The following PPP2R2B variants were observed in gnomAD, a reference collection of about 807,000 sequenced individuals.
PPP2R2B encodes the protein protein phosphatase 2 regulatory subunit Bbeta, also known as serine/threonine-protein phosphatase 2A 55 kDa regulatory subunit B beta isoform.
A neutral mutation model predicts 46.0 loss-of-function variants in PPP2R2B; 5 were observed. The ratio of observed to expected loss-of-function variants is 0.11; its 90% CI spans 0.06 to 0.23. The LOEUF is 0.23. PPP2R2B is among the 10% of genes least tolerant of loss of function. The pLI is 1.00. For synonymous variants in PPP2R2B, 215 were observed against 206.7 expected (o/e 1.04, Z -0.34); for missense variants, 367 against 575.0 (o/e 0.64, Z 3.70).
At chr5:147,047,500 T>C (rs1448646128) in intron 1 of PPP2R2B, among the ~76,000 whole-genome samples, 2 of 152,170 alleles carry the variant, frequency 1.3e-5, no homozygotes, top group African/African-American at 4.8e-5. Flanking sequence ...TTCTGAGGCC[T>C]CTACTAATAT....
chr5:147,028,366 C>T (rs753343000), intron 1 of PPP2R2B, among the ~76,000 whole-genome samples: 8 of 152,018 alleles, frequency 5.3e-5, no homozygotes, highest in Non-Finnish European at 1.2e-4. Flanking sequence ...ATTTTTTTCA[C>T]CCATTTTACC....
At chr5:147,046,585 CA>C (rs1214874478) in intron 1 of PPP2R2B, among the ~76,000 whole-genome samples, 2 of 151,986 alleles carry the variant, frequency 1.3e-5, no homozygotes, top group African/African-American at 4.8e-5. Context: ...GAACCAAAGA[CA>C]AAAAATAGAT....
At chr5:147,061,971 G>A (rs551441353) in intron 2 of PPP2R2B, among the ~76,000 whole-genome samples, 1 of 151,946 alleles carries the variant, frequency 6.6e-6, no homozygotes, top group Non-Finnish European at 1.5e-5. Flanking sequence ...TTGTTTGTTT[G>A]TTTTTTGGTT....
At chr5:146,887,346 AAG>A (rs1762361306) in intron 1 of PPP2R2B, among the ~76,000 whole-genome samples, 2 of 152,228 alleles carry the variant, frequency 1.3e-5, no homozygotes, top group East Asian at 3.9e-4. Flanking sequence ...CATTTGCAAA[AAG>A]AGTTTTAATG....
chr5:146,962,630 C>A (rs1156493787), intron 1 of PPP2R2B, among the ~76,000 whole-genome samples: 1 of 151,910 alleles, frequency 6.6e-6, no homozygotes, highest in African/African-American at 2.4e-5. Flanking sequence ...GCACTCCAGA[C>A]TGGGCAAAAA....
intron 1 of PPP2R2B, among the ~76,000 whole-genome samples, chr5:146,920,173 G>A (rs1763546050): frequency 6.6e-6 from 1 of 152,156 alleles, no homozygotes; most frequent in African/African-American, 2.4e-5. Context: ...TTTCTGAAAA[G>A]GTGGCTGGGC....
intron 1 of PPP2R2B, among the ~76,000 whole-genome samples, chr5:147,027,657 T>C (rs1755595031): frequency 6.6e-6 from 1 of 150,518 alleles, no homozygotes; most frequent in Non-Finnish European, 1.5e-5. Flanking sequence ...AAAAATTTAG[T>C]GTGGATGGCT....
intron 1 of PPP2R2B, among the ~76,000 whole-genome samples, chr5:146,991,530 A>C (rs1231328920): frequency 6.6e-6 from 1 of 152,186 alleles, no homozygotes; most frequent in African/African-American, 2.4e-5. Flanking sequence ...TGACTTTAGC[A>C]AATAACAATG....
chr5:147,046,996 A>C (rs528249704), intron 1 of PPP2R2B, among the ~76,000 whole-genome samples: 104 of 152,104 alleles, frequency 6.8e-4, no homozygotes, highest in Non-Finnish European at 1.1e-3. Flanking sequence ...TCTGACACCA[A>C]CACCACCAAG....
chr5:146,787,938 A>G (rs969341329), intron 2 of PPP2R2B, among the ~76,000 whole-genome samples: 1 of 152,134 alleles, frequency 6.6e-6, no homozygotes, highest in Non-Finnish European at 1.5e-5. Context: ...GAAACACTGC[A>G]TCTTTGGCTT....
At chr5:146,773,419 G>A (rs1312968444) in intron 2 of PPP2R2B, among the ~76,000 whole-genome samples, 2 of 152,106 alleles carry the variant, frequency 1.3e-5, no homozygotes, top group African/African-American at 4.8e-5. Flanking sequence ...TTCAGACTGT[G>A]GTTTATTATG....
At chr5:146,940,511 G>GA (rs5871997) in intron 1 of PPP2R2B, among the ~76,000 whole-genome samples, 34,636 of 142,944 alleles carry the variant, frequency 0.24, 4,290 homozygotes, top group East Asian at 0.42. Context: ...TTTGCTAGGG[G>GA]AAAAAAAAAA....
intron 7 of PPP2R2B, among the ~76,000 whole-genome samples, chr5:146,637,298 G>A (rs113501900): frequency 4.1e-4 from 63 of 152,274 alleles, no homozygotes; most frequent in African/African-American, 1.4e-3. Context: ...CACCAAGAGG[G>A]TATTTCACAG....
In PPP2R2B at chr5:146,638,429, G is replaced by A. The variant is rs1018564693; in HGVS notation, c.626-14C>T. 6.4e-7 allele frequency: 1 copy of A among 1,572,830 alleles called. No individual in the cohort carries two copies. The highest frequency in any genetic ancestry group is 8.7e-7 in the Non-Finnish European group (1 of 1,149,780). Reference sequence around the variant, plus strand: ...TGTCCACAATATCTGGCACAGACGAGTCAAGGAAGGAACCAGGAGAAGGAG... The same window carrying A: ...TGTCCACAATATCTGGCACAGACGAATCAAGGAAGGAACCAGGAGAAGGAG... On this transcript the variant is annotated splice_polypyrimidine_tract_variant and intron_variant, in intron 6 of 9. Coordinates refer to ENST00000394411, the MANE Select transcript of PPP2R2B (RefSeq NM_181675.4).
At chr5:146,889,269 T>C (rs950221295) in intron 1 of PPP2R2B, among the ~76,000 whole-genome samples, 4 of 152,152 alleles carry the variant, frequency 2.6e-5, no homozygotes, top group African/African-American at 4.8e-5. Flanking sequence ...ATCTGTATCA[T>C]ATATGACAGC....
Position 147,076,858 on chromosome 5 carries a change from G to A in PPP2R2B, c.50+4201C>T, listed in dbSNP as rs549784082. 2.0e-5 allele frequency among the ~76,000 whole-genome samples: 3 copies of A among 151,940 alleles called. No homozygotes were observed. The South Asian group carries it at 6.2e-4, about 32-fold the overall frequency. On this transcript the variant is annotated intron_variant, in intron 2 of 10. Coordinates refer to the PPP2R2B transcript ENST00000394413. Reference sequence around the variant, plus strand: ...TACAACCCTCTCACTTTCTGAGACAGTACCCTGGATATAGTAAGCACTCAC... The same window carrying A: ...TACAACCCTCTCACTTTCTGAGACAATACCCTGGATATAGTAAGCACTCAC...
At chr5:147,042,091 C>T (rs762758825) in intron 1 of PPP2R2B, among the ~76,000 whole-genome samples, 2 of 152,172 alleles carry the variant, frequency 1.3e-5, no homozygotes, top group Admixed American at 6.5e-5. Context: ...CGATTGATAA[C>T]GCCCAAATCC....
At chr5:146,644,205 A>C (rs1397137477) in intron 6 of PPP2R2B, among the ~76,000 whole-genome samples, 1 of 146,186 alleles carries the variant, frequency 6.8e-6, no homozygotes, top group Admixed American at 6.9e-5. Flanking sequence ...GTGGATTAGG[A>C]ACCTGAACTT....
At chr5:146,917,674 T>G (rs1329546884) in intron 1 of PPP2R2B, 1 of 152,208 alleles carries the variant, frequency 6.6e-6, no homozygotes, top group African/African-American at 2.4e-5. Context: ...GCCTCCCAGT[T>G]AATATTCTAA....
Sources: gnomAD v4.1 joint callset for allele counts (sites outside exome capture counted in the v4.1 genomes callset) on GRCh38, gnomAD v4.1.1 for gene constraint, MANE v1.5 for transcripts, NCBI Gene and HGNC (gene_info 2026-07-23, HGNC 2026-07-21) for gene names.